Variants in MEGF11 observed in about 807,000 individuals in gnomAD.
MEGF11 encodes the protein multiple EGF like domains 11, also known as multiple epidermal growth factor-like domains protein 11.
In MEGF11, 126 loss-of-function variants were observed where a neutral mutation model predicts 146.6. That is an observed-to-expected ratio of 0.86 (90% CI 0.74 to 1.00). MEGF11 has a LOEUF of 1.00. Among genes scored for constraint, MEGF11 ranks in the 50% least tolerant of loss-of-function variants. The pLI is 0.00. For missense variants in MEGF11, 1,509 were observed against 1,521.2 expected (o/e 0.99, Z 0.13); for synonymous variants, 532 against 583.4 (o/e 0.91, Z 1.27).
At chr15:66,158,386 C>T (rs181863569) in intron 1 of MEGF11, among the ~76,000 whole-genome samples, 121 of 152,390 alleles carry the variant, frequency 7.9e-4, no homozygotes, top group African/African-American at 2.9e-3. Flanking sequence ...ACCCCCTCTT[C>T]CCATCAGATG....
rs116630344 is a variant in MEGF11, at chr15:66,135,330, T to C, written c.-8-6919A>G. Among the ~76,000 whole-genome samples, 745 of 152,366 alleles carry C rather than the reference T, an allele frequency of 4.9e-3. 6 individuals are homozygous for C. Among genetic ancestry groups the C allele is most frequent in the African/African-American group, 0.017 (707 of 41,584 alleles). On this transcript the variant is annotated intron_variant, in intron 1 of 25. Coordinates refer to ENST00000395614, the MANE Select transcript of MEGF11 (RefSeq NM_001385028.1). The stretch of plus-strand genomic sequence containing the variant: ...GTTTTGGGAGACCCCTGGATCAGTC[T>C]TAACTGTACAATTATCAAGGCAGAT...
intron 1 of MEGF11, among the ~76,000 whole-genome samples, chr15:66,239,968 C>T (rs1040607510): frequency 6.6e-6 from 1 of 152,238 alleles, no homozygotes; most frequent in Non-Finnish European, 1.5e-5. Flanking sequence ...CTCAGCCTAA[C>T]AGGAGCCATC....
intron 1 of MEGF11, among the ~76,000 whole-genome samples, chr15:66,211,540 AAG>A (rs2091453144): frequency 6.6e-6 from 1 of 151,166 alleles, no homozygotes; most frequent in Non-Finnish European, 1.5e-5. Context: ...AAAAAAAAAA[AAG>A]AAAATCATCC....
At chr15:66,175,376 C>A (rs1479195424) in intron 1 of MEGF11, among the ~76,000 whole-genome samples, 1 of 152,026 alleles carries the variant, frequency 6.6e-6, no homozygotes, top group Non-Finnish European at 1.5e-5. Flanking sequence ...CAATCCTGAG[C>A]AAAAAGACAA....
Position 66,043,900 on chromosome 15 carries a change from G to A in MEGF11, c.394+50502C>T, listed in dbSNP as rs549810740. 6.6e-5 allele frequency among the ~76,000 whole-genome samples: 10 copies of A among 152,380 alleles called. No individual in the cohort carries two copies. The South Asian group carries it at 1.2e-3, about 19-fold the overall frequency. On this transcript the variant is annotated intron_variant, in intron 5 of 25. Transcript: ENST00000395614. ...ACCAGCACGATGCCTGGGCAAGGGGGAAAGGGAGTGGGGTAATCATGACAT... is the reference window on the plus strand; with the variant it reads ...ACCAGCACGATGCCTGGGCAAGGGGAAAAGGGAGTGGGGTAATCATGACAT...
At chr15:66,189,646 G>T (rs2141184099) in intron 1 of MEGF11, among the ~76,000 whole-genome samples, 1 of 152,258 alleles carries the variant, frequency 6.6e-6, no homozygotes, top group Middle Eastern at 3.4e-3. Context: ...CTGCTTCCCT[G>T]CTGAGTGATC....
intron 1 of MEGF11, among the ~76,000 whole-genome samples, chr15:66,238,221 C>G (rs2092137079): frequency 6.6e-6 from 1 of 152,206 alleles, no homozygotes; most frequent in African/African-American, 2.4e-5. Context: ...ACCCCCTCCC[C>G]AACCCACCCT....
chr15:66,158,605 C>G (rs1159731475), intron 1 of MEGF11, among the ~76,000 whole-genome samples: 3 of 152,246 alleles, frequency 2.0e-5, no homozygotes, highest in Non-Finnish European at 4.4e-5. Context: ...CCTGGGCCCC[C>G]ACTCAGCCCC....
chr15:65,955,785 TATATATATACAC>T (rs2080590282), intron 10 of MEGF11, among the ~76,000 whole-genome samples: 1 of 7,022 alleles, frequency 1.4e-4, no homozygotes, highest in Non-Finnish European at 5.8e-4. Context: ...TATATATATA[TATATATATACAC>T]ACACACACAC....
chr15:66,171,539 A>T (rs2090256742), intron 1 of MEGF11, among the ~76,000 whole-genome samples: 1 of 152,070 alleles, frequency 6.6e-6, no homozygotes, highest in African/African-American at 2.4e-5. Flanking sequence ...GAGAGGTGGG[A>T]GGAGGAGGGA....
chr15:65,991,361 G>A (rs2082039034), intron 5 of MEGF11, among the ~76,000 whole-genome samples: 1 of 152,144 alleles, frequency 6.6e-6, no homozygotes, highest in Non-Finnish European at 1.5e-5. Flanking sequence ...GAGGATCTGA[G>A]GTAAACCATG....
At chr15:66,146,570 A>G (rs2089379516) in intron 1 of MEGF11, among the ~76,000 whole-genome samples, 1 of 152,260 alleles carries the variant, frequency 6.6e-6, no homozygotes, top group South Asian at 2.1e-4. Context: ...GTGACTCACC[A>G]CGCACGCCGA....
chr15:66,014,748 C>T (rs1055766682), intron 5 of MEGF11, among the ~76,000 whole-genome samples: 5 of 152,178 alleles, frequency 3.3e-5, no homozygotes, highest in South Asian at 2.1e-4. Context: ...GAGAACTCTC[C>T]GCTTTCATCA....
intron 1 of MEGF11, among the ~76,000 whole-genome samples, chr15:66,162,884 C>A (rs1054945483): frequency 3.3e-5 from 5 of 152,190 alleles, no homozygotes; most frequent in Non-Finnish European, 5.9e-5. Context: ...TGAATTACTT[C>A]TCAGGTGGAG....
At chr15:66,089,479 G>T (rs1014931876) in intron 5 of MEGF11, among the ~76,000 whole-genome samples, 2 of 152,194 alleles carry the variant, frequency 1.3e-5, no homozygotes, top group Non-Finnish European at 2.9e-5. Context: ...TGGAGGGCAG[G>T]CTCAGGCCCA....
chr15:66,239,988 T>A (rs2092177010), intron 1 of MEGF11, among the ~76,000 whole-genome samples: 1 of 152,238 alleles, frequency 6.6e-6, no homozygotes, highest in South Asian at 2.1e-4. Flanking sequence ...CCCTCATGAC[T>A]AAGCAACCAG....
intron 9 of MEGF11, among the ~76,000 whole-genome samples, chr15:65,962,513 T>C (rs1189113561): frequency 1.3e-5 from 2 of 152,202 alleles, no homozygotes; most frequent in African/African-American, 4.8e-5. Flanking sequence ...AAAATGTTCA[T>C]GGTGGCAAGG....
chr15:66,197,736 T>A (rs2091045820), intron 1 of MEGF11, among the ~76,000 whole-genome samples: 1 of 152,182 alleles, frequency 6.6e-6, no homozygotes, highest in African/African-American at 2.4e-5. Flanking sequence ...GTTTTTAGGT[T>A]CCAACTACAT....
At chr15:66,115,693 A>AT (rs939777940) in intron 4 of MEGF11, among the ~76,000 whole-genome samples, 1 of 152,214 alleles carries the variant, frequency 6.6e-6, no homozygotes, top group Non-Finnish European at 1.5e-5. Flanking sequence ...TTATTTGGAG[A>AT]TAGGGTCTTA....
Sources: allele counts gnomAD v4.1 joint callset (sites outside exome capture counted in the v4.1 genomes callset), GRCh38; gene constraint gnomAD v4.1.1; transcripts MANE v1.5; gene names NCBI Gene and HGNC (gene_info 2026-07-23, HGNC 2026-07-21).